Variants in STPG4 observed in about 807,000 individuals in gnomAD.
The protein encoded by STPG4 is sperm-tail PG-rich repeat containing 4, also known as protein STPG4.
Under a neutral mutation model 31.5 loss-of-function variants are expected in STPG4, and 41 were observed. The observed-to-expected ratio is 1.30, with a 90% CI of 1.01 to 1.69. The LOEUF is 1.69. STPG4 is among the 40% of genes most tolerant of loss of function. STPG4 has a pLI of 0.00. For synonymous variants in STPG4, 141 were observed against 103.0 expected (o/e 1.37, Z -2.24); for missense variants, 375 against 293.4 (o/e 1.28, Z -2.03).
chr2:47,117,822 T>C (rs1686182061), intron 5 of STPG4, among the ~76,000 whole-genome samples: 1 of 152,194 alleles, frequency 6.6e-6, no homozygotes, highest in South Asian at 2.1e-4. Context: ...GCATATGAAC[T>C]CATTCTACTG....
At chr2:47,130,299 G>C (rs1198921215) in intron 3 of STPG4, 39 bp from the exon 4 acceptor site, 12 of 1,531,702 alleles carry the variant, frequency 7.8e-6, no homozygotes, top group Non-Finnish European at 1.1e-5. Flanking sequence ...GATTAATAGA[G>C]GTTGTAAACT....
At chr2:47,133,243 C>G (rs937828241) in intron 3 of STPG4, among the ~76,000 whole-genome samples, 1 of 151,986 alleles carries the variant, frequency 6.6e-6, no homozygotes, top group Non-Finnish European at 1.5e-5. Context: ...CCATAGCTCA[C>G]TGCGCTTCAA....
chr2:47,108,199 G>A (rs1685962255), intron 5 of STPG4, among the ~76,000 whole-genome samples: 3 of 151,272 alleles, frequency 2.0e-5, no homozygotes, highest in African/African-American at 4.9e-5. Flanking sequence ...AGACCACTCG[G>A]CTCTACCAAT....
Position 47,087,081 on chromosome 2 carries a change from T to TG in STPG4, c.673dup (p.Gln225ProfsTer13). The TG allele has an allele frequency of 6.4e-7, 1 of 1,551,832 alleles. No homozygotes were observed. Among genetic ancestry groups the TG allele is most frequent in the Non-Finnish European group, 8.7e-7 (1 of 1,147,004 alleles). ...GCCCATTTTGGCTATGGTCGGAGAC[T>TG]GCTTAGGGAATTGTCTTAAAGTTGT... On this transcript the variant is annotated frameshift_variant, in exon 7 of 7. Coordinates refer to ENST00000445927, the MANE Select transcript of STPG4 (RefSeq NM_001163561.2). LOFTEE classifies it high-confidence loss of function.
chr2:47,151,203 C>T (rs1686927477), intron 3 of STPG4, 55 bp downstream of exon 3: 1 of 1,596,668 alleles, frequency 6.3e-7, no homozygotes, highest in South Asian at 1.1e-5. Context: ...AAATACTTTC[C>T]TCAGGGGCTC....
In STPG4 at chr2:47,151,401, C is replaced by T. The variant is rs1381967158; in HGVS notation, c.256G>A (p.Val86Met). The change falls in exon 3 of 7, where the codon GTG (valine) becomes ATG (methionine). Residue 86 changes from valine to methionine, a missense_variant. By Grantham distance (21) the Val-to-Met change is conservative. Transcript: ENST00000445927. ...KNEGRKKPPLVQRNNPVLNDL... is the reference protein window; with the variant it reads ...KNEGRKKPPLMQRNNPVLNDL... ...TTTAGGACTGGATTGTTTCTTTGCA[C>T]AAGAGGTGGCTTTTTCCTTCCTTCG... 3.1e-6 allele frequency: 5 copies of T among 1,614,184 alleles called. No individual in the cohort carries two copies. Among genetic ancestry groups the T allele is most frequent in the Non-Finnish European group, 4.2e-6 (5 of 1,180,030 alleles).
At chr2:47,150,766 T>A (rs1226199709) in intron 3 of STPG4, among the ~76,000 whole-genome samples, 2 of 151,920 alleles carry the variant, frequency 1.3e-5, no homozygotes. Context: ...ACCACAGGCA[T>A]GCACTACTAC....
intron 5 of STPG4, among the ~76,000 whole-genome samples, chr2:47,115,813 C>G (rs1204826578): frequency 6.6e-6 from 1 of 152,050 alleles, no homozygotes. Context: ...CTGCCATGCA[C>G]GACTAATTTT....
intron 2 of STPG4, 39 bp downstream of exon 2, chr2:47,152,918 G>T: frequency 2.2e-6 from 3 of 1,380,882 alleles, no homozygotes; most frequent in South Asian, 1.3e-5. Context: ...TAATGGAATA[G>T]GAATAATGTG....
intron 5 of STPG4, among the ~76,000 whole-genome samples, chr2:47,118,687 G>A (rs757413626): frequency 1.1e-4 from 17 of 152,120 alleles, no homozygotes; most frequent in Non-Finnish European, 2.1e-4. Context: ...CTTAATAGTT[G>A]TGTGACCTTG....
intron 5 of STPG4, among the ~76,000 whole-genome samples, chr2:47,102,939 G>C (rs1685830674): frequency 6.6e-6 from 1 of 151,910 alleles, no homozygotes; most frequent in South Asian, 2.1e-4. Flanking sequence ...CTCACTTGGA[G>C]AGATGTCATG....
chr2:47,111,002 G>C (rs985705567), intron 5 of STPG4, among the ~76,000 whole-genome samples: 6 of 152,178 alleles, frequency 3.9e-5, no homozygotes, highest in Admixed American at 1.3e-4. Flanking sequence ...ATTATCCCTT[G>C]ATCATATCTT....
chr2:47,149,897 C>T (rs534648600), intron 3 of STPG4, among the ~76,000 whole-genome samples: 32 of 152,302 alleles, frequency 2.1e-4, no homozygotes, highest in African/African-American at 6.5e-4. Context: ...ACTCCTCCCT[C>T]GGAATACCTC....
chr2:47,127,252 CTTTTTTTTTTTTTTTTTTTT>C (rs57475505), intron 5 of STPG4, among the ~76,000 whole-genome samples: 1 of 57,456 alleles, frequency 1.7e-5, no homozygotes, highest in African/African-American at 1.0e-4. Context: ...CAAGCTAATT[CTTTTTTTTTTTTTTTTTTTT>C]TTTTTTTTTT....
chr2:47,112,024 C>T (rs971781150), intron 5 of STPG4, among the ~76,000 whole-genome samples: 7 of 152,178 alleles, frequency 4.6e-5, no homozygotes, highest in Admixed American at 1.3e-4. Context: ...AAGAGGCCTT[C>T]GGGCACATAA....
At position 47,153,026 on chromosome 2, in the gene STPG4, A is replaced by G; in HGVS notation, c.82-10T>C. The G allele has an allele frequency of 6.2e-7, 1 of 1,601,754 alleles. No homozygotes were observed. The highest frequency in any genetic ancestry group is 8.5e-7 in the Non-Finnish European group (1 of 1,170,520). Reference sequence around the variant, plus strand: ...TCTTTTGGGCTGGTTTCTGTTAACAAACACAAAGTATGCTTATTCATTTGA... The same window carrying G: ...TCTTTTGGGCTGGTTTCTGTTAACAGACACAAAGTATGCTTATTCATTTGA... On this transcript the variant is annotated splice_polypyrimidine_tract_variant and intron_variant, in intron 1 of 6. Coordinates refer to ENST00000445927, the MANE Select transcript of STPG4 (RefSeq NM_001163561.2).
intron 3 of STPG4, among the ~76,000 whole-genome samples, chr2:47,131,172 G>A (rs1309160309): frequency 3.3e-5 from 5 of 151,348 alleles, no homozygotes; most frequent in Non-Finnish European, 5.9e-5. Flanking sequence ...TGTTGCCCAC[G>A]GTGGAGTGCA....
intron 1 of STPG4, 47 bp downstream of exon 1, chr2:47,155,124 T>TA (rs770417219): frequency 7.6e-6 from 12 of 1,576,204 alleles, no homozygotes; most frequent in African/African-American, 1.3e-5. Context: ...GTAGTGGGCC[T>TA]GGTGAGGGGA....
intron 5 of STPG4, among the ~76,000 whole-genome samples, chr2:47,122,217 T>C (rs1686286691): frequency 6.6e-6 from 1 of 152,220 alleles, no homozygotes. Flanking sequence ...GTTATGATAA[T>C]TTTATAGATA....
Sources: gnomAD v4.1 joint callset for allele counts (sites outside exome capture counted in the v4.1 genomes callset) on GRCh38, gnomAD v4.1.1 for gene constraint, MANE v1.5 for transcripts, NCBI Gene and HGNC (gene_info 2026-07-23, HGNC 2026-07-21) for gene names.